Variants in ADAMTSL1 observed in about 807,000 individuals in gnomAD.
The protein encoded by ADAMTSL1 is ADAMTS-like protein 1.
ADAMTSL1 carries 126 observed loss-of-function variants against 201.8 expected under a neutral mutation model. The observed-to-expected ratio is 0.62, with a 90% CI of 0.54 to 0.72. ADAMTSL1 has a LOEUF of 0.72. ADAMTSL1 is among the 30% of genes least tolerant of loss of function. The probability of loss-of-function intolerance (pLI) is 0.00; values close to 1 mark genes in which losing one functional copy is unlikely to be tolerated. For synonymous variants in ADAMTSL1, 1,121 were observed against 903.4 expected, an observed-to-expected ratio of 1.24 and a Z score of -4.32; for missense variants, 2,679 against 2,277.8, an observed-to-expected ratio of 1.18 and a Z score of -3.59.
chr9:18,456,865 T>C (rs570832830), intron 2 of ADAMTSL1, among the ~76,000 whole-genome samples: 4 of 152,322 alleles, frequency 2.6e-5, no homozygotes, highest in African/African-American at 9.6e-5. Context: ...CACTCACTGC[T>C]ATCTGAAATT....
At chr9:17,923,543 C>A (rs996262120) in intron 1 of ADAMTSL1, among the ~76,000 whole-genome samples, 1 of 151,650 alleles carries the variant, frequency 6.6e-6, no homozygotes, top group Non-Finnish European at 1.5e-5. Flanking sequence ...ATGGGGTTTT[C>A]TAGATATACA....
chr9:18,175,208 T>C (rs964932104), intron 2 of ADAMTSL1, among the ~76,000 whole-genome samples: 1 of 152,126 alleles, frequency 6.6e-6, no homozygotes, highest in Non-Finnish European at 1.5e-5. Flanking sequence ...TTCTTGACCT[T>C]TAAAATAAAC....
chr9:18,889,926 G>A (rs1213266397), intron 25 of ADAMTSL1, among the ~76,000 whole-genome samples, 178 bp downstream of exon 25: 1 of 151,998 alleles, frequency 6.6e-6, no homozygotes, highest in Admixed American at 6.6e-5. Flanking sequence ...AATATCCTCA[G>A]ACTATGCCAC....
intron 3 of ADAMTSL1, among the ~76,000 whole-genome samples, chr9:18,568,025 CTCTT>C (rs1304404633): frequency 6.6e-6 from 1 of 152,098 alleles, no homozygotes; most frequent in African/African-American, 2.4e-5. Flanking sequence ...AATGTGATCT[CTCTT>C]TCATTCTCTC....
intron 2 of ADAMTSL1, among the ~76,000 whole-genome samples, chr9:18,361,149 A>G (rs1409781450): frequency 6.6e-6 from 1 of 152,210 alleles, no homozygotes; most frequent in Non-Finnish European, 1.5e-5. Flanking sequence ...TACATTTTAC[A>G]GCAGTATGTG....
At chr9:18,247,669 T>C (rs1321307066) in intron 2 of ADAMTSL1, among the ~76,000 whole-genome samples, 2 of 152,286 alleles carry the variant, frequency 1.3e-5, no homozygotes, top group Non-Finnish European at 2.9e-5. Context: ...AGGTGACATG[T>C]AGGCAGAGGC....
At chr9:18,711,586 G>A (rs1472486361) in intron 14 of ADAMTSL1, among the ~76,000 whole-genome samples, 6 of 152,094 alleles carry the variant, frequency 3.9e-5, no homozygotes, top group South Asian at 2.1e-4. Flanking sequence ...CACCTGGCTC[G>A]GAGGGTCCTA....
At chr9:18,010,925 A>G (rs2131555901) in intron 1 of ADAMTSL1, among the ~76,000 whole-genome samples, 1 of 152,158 alleles carries the variant, frequency 6.6e-6, no homozygotes, top group South Asian at 2.1e-4. Context: ...TATTTAAATA[A>G]TTATAGAATT....
chr9:18,507,025 A>G (rs1366948076), intron 2 of ADAMTSL1, among the ~76,000 whole-genome samples: 2 of 152,228 alleles, frequency 1.3e-5, no homozygotes, highest in Non-Finnish European at 2.9e-5. Flanking sequence ...AAAACTTGTC[A>G]TCATCATTAA....
chr9:18,663,542 A>G (rs142967001), intron 9 of ADAMTSL1, among the ~76,000 whole-genome samples: 1,600 of 152,238 alleles, frequency 0.011, 14 homozygotes, highest in Non-Finnish European at 0.017. Flanking sequence ...ATTTTTATGC[A>G]TAACTGTAAT....
rs118036239 is a variant in ADAMTSL1 at position 18,620,491 on chromosome 9, T to G, written c.475-1752T>G. ...AAATAAAATACTTCTGTAATCCTATTTCACACTGTACTCAGAATATAACAG... is the reference window on the plus strand; with the variant it reads ...AAATAAAATACTTCTGTAATCCTATGTCACACTGTACTCAGAATATAACAG... On this transcript the variant is annotated intron_variant, in intron 4 of 28. Transcript: ENST00000380548. Among the ~76,000 whole-genome samples the G allele has an allele frequency of 4.2e-3, 641 of 152,332 alleles. 2 individuals carry two copies. The highest frequency in any genetic ancestry group is 5.2e-3 in the Non-Finnish European group (356 of 68,028).
intron 1 of ADAMTSL1, among the ~76,000 whole-genome samples, chr9:17,955,670 T>G (rs1365655246): frequency 6.6e-6 from 1 of 152,224 alleles, no homozygotes; most frequent in Non-Finnish European, 1.5e-5. Flanking sequence ...ACTGTAGATG[T>G]TATCTGCATG....
At chr9:18,800,186 G>T (rs1822695529) in intron 20 of ADAMTSL1, among the ~76,000 whole-genome samples, 1 of 151,998 alleles carries the variant, frequency 6.6e-6, no homozygotes, top group Admixed American at 6.6e-5. Context: ...AGACCAGCCT[G>T]GCCAACATGG....
At chr9:18,530,277 A>G (rs143032637) in intron 2 of ADAMTSL1, among the ~76,000 whole-genome samples, 3 of 152,308 alleles carry the variant, frequency 2.0e-5, no homozygotes, top group African/African-American at 7.2e-5. Context: ...TCTATATCCC[A>G]GATCTTCAGG....
intron 2 of ADAMTSL1, among the ~76,000 whole-genome samples, chr9:18,440,852 T>C (rs932484611): frequency 6.6e-6 from 1 of 152,190 alleles, no homozygotes; most frequent in African/African-American, 2.4e-5. Flanking sequence ...TTGGTTGAGC[T>C]ATTAATATTT....
chr9:18,558,236 A>G (rs1342119210), intron 3 of ADAMTSL1, among the ~76,000 whole-genome samples: 2 of 151,976 alleles, frequency 1.3e-5, no homozygotes, highest in African/African-American at 4.8e-5. Context: ...TTCAACTCCA[A>G]CTTATGAGTG....
chr9:18,739,165 G>T (rs1440866224), intron 15 of ADAMTSL1, among the ~76,000 whole-genome samples: 1 of 152,204 alleles, frequency 6.6e-6, no homozygotes, highest in African/African-American at 2.4e-5. Flanking sequence ...CCAGCACATA[G>T]CAAGCACCCA....
intron 15 of ADAMTSL1, among the ~76,000 whole-genome samples, chr9:18,742,833 A>T (rs1159746871): frequency 2.6e-5 from 4 of 152,242 alleles, no homozygotes; most frequent in African/African-American, 7.2e-5. Context: ...AAACTGCAAT[A>T]AAACCCAAAA....
In ADAMTSL1 at chr9:18,447,392, G is replaced by A. The variant is rs567603028; in HGVS notation, c.208-57437G>A. Reference sequence around the variant, plus strand: ...TAGAAAGGGGAAAGTGTTCAGTGCCGGTAGGACTGGCTTCATGCCCTTGGT... The same window carrying A: ...TAGAAAGGGGAAAGTGTTCAGTGCCAGTAGGACTGGCTTCATGCCCTTGGT... On this transcript the variant is annotated intron_variant, in intron 2 of 29. Transcript: ENST00000680146. Among the ~76,000 whole-genome samples, 12 of 152,260 alleles carry A rather than the reference G, an allele frequency of 7.9e-5. No homozygotes were observed. In the East Asian group the frequency reaches 1.9e-3, roughly 24 times the overall value.
Sources: allele counts gnomAD v4.1 joint callset (sites outside exome capture counted in the v4.1 genomes callset), GRCh38; gene constraint gnomAD v4.1.1; transcripts MANE v1.5; gene names NCBI Gene and HGNC (gene_info 2026-07-23, HGNC 2026-07-21).